Variants in MEAK7 observed in about 807,000 individuals in gnomAD.
MEAK7 encodes the protein MTOR-associated protein MEAK7.
A neutral mutation model predicts 40.5 loss-of-function variants in MEAK7; 68 were observed. The observed-to-expected ratio is 1.68, with a 90% CI of 1.38 to 2.06. MEAK7 has a LOEUF of 2.06. MEAK7 is among the 30% of genes most tolerant of loss of function. The pLI is 0.00. For synonymous variants in MEAK7, 338 were observed against 231.9 expected, an observed-to-expected ratio of 1.46 and a Z score of -4.16; for missense variants, 918 against 580.5, an observed-to-expected ratio of 1.58 and a Z score of -5.98.
At chr16:84,493,204 A>T (rs955203613) in intron 3 of MEAK7, among the ~76,000 whole-genome samples, 3 of 152,212 alleles carry the variant, frequency 2.0e-5, no homozygotes, top group Admixed American at 6.5e-5. Flanking sequence ...TATGCCAGAG[A>T]AGTACCCAAA....
In MEAK7 at chr16:84,477,451, A is replaced by C. The variant is rs1912159383; in HGVS notation, c.*2462T>G. On this transcript the variant is annotated 3_prime_UTR_variant, in exon 8 of 8. Transcript: ENST00000343629. Reference sequence around the variant, plus strand: ...GGTGATCCGCCTACCTCGGCCTCCCAAAGTGCTGGGATTACAGGCGTGAGC... The same window carrying C: ...GGTGATCCGCCTACCTCGGCCTCCCCAAGTGCTGGGATTACAGGCGTGAGC... 1 of 152,120 alleles carries C rather than the reference A, an allele frequency of 6.6e-6. No individual in the cohort carries two copies. 9.4% of individuals were successfully genotyped at this position (152,120 alleles called of 1,614,324 possible).
intron 5 of MEAK7, 130 bp from the exon 6 acceptor site, chr16:84,482,840 G>A (rs1369495228): frequency 4.5e-5 from 63 of 1,394,300 alleles, no homozygotes; most frequent in African/African-American, 1.0e-4. Flanking sequence ...TCCAGGTGTC[G>A]GCAGATCAGG....
Position 84,480,523 on chromosome 16 carries a change from AC to A in MEAK7, c.1257+5del. 6.2e-7 allele frequency: 1 copy of A among 1,603,208 alleles called. No individual in the cohort carries two copies. Among genetic ancestry groups the A allele is most frequent in the Non-Finnish European group, 8.5e-7 (1 of 1,175,190 alleles). ...ATCCTGGGATGCAGAGGACAGCTCCACTCACCAACTGCTCCTCTGAGGGGTC... is the reference window on the plus strand; with the variant it reads ...ATCCTGGGATGCAGAGGACAGCTCCATCACCAACTGCTCCTCTGAGGGGTC... On this transcript the variant is annotated splice_donor_5th_base_variant and intron_variant, in intron 7 of 7. Coordinates refer to ENST00000343629, the MANE Select transcript of MEAK7 (RefSeq NM_020947.4).
intron 3 of MEAK7, chr16:84,494,934 C>T (rs1597958013): frequency 4.9e-6 from 2 of 412,206 alleles, no homozygotes; most frequent in East Asian, 1.4e-4. Flanking sequence ...AACTGCCTTT[C>T]CCTTTGTTCC....
At position 84,482,687 on chromosome 16, in the gene MEAK7, A is replaced by C; in HGVS notation, c.982T>G (p.Ser328Ala). 1.2e-6 allele frequency: 2 copies of C among 1,614,204 alleles called. No individual in the cohort carries two copies. Among genetic ancestry groups the C allele is most frequent in the Non-Finnish European group, 1.7e-6 (2 of 1,180,024 alleles). The change falls in exon 6 of 8, where the codon TCC becomes GCC. Residue 328 changes from serine to alanine, a missense_variant. Physicochemically the swap from Ser to Ala is moderately conservative, Grantham distance 99 (BLOSUM62 1). Transcript: ENST00000343629. The stretch of plus-strand genomic sequence containing the variant: ...TACACAGCCATGCTGGGGCAGATGG[A>C]GAACAGGAAGCATCTGTTGTCCCCT... ...FQGDNRCFLF[S>A]ICPSMAVYTH...
At chr16:84,497,265 G>C in intron 2 of MEAK7, 1 of 481,700 alleles carries the variant, frequency 2.1e-6, no homozygotes, top group Non-Finnish European at 3.4e-6. Flanking sequence ...TCTTGCCTCA[G>C]TCCGAGCACT....
chr16:84,492,794 C>A lies in MEAK7; in HGVS notation c.384+2889G>T, dbSNP rs571996501. ...ACAGGGTTTCACCATGTTAGCGAGG[C>A]TGGTCTTGAACTCTTGACCTCAGAT... On this transcript the variant is annotated intron_variant, in intron 3 of 7. Coordinates refer to ENST00000343629, the MANE Select transcript of MEAK7 (RefSeq NM_020947.4). Among the ~76,000 whole-genome samples, 266 of 152,198 alleles carry A rather than the reference C, an allele frequency of 1.7e-3. 1 individual carries two copies. The highest frequency in any genetic ancestry group is 5.9e-3 in the African/African-American group (247 of 41,532).
intron 4 of MEAK7, among the ~76,000 whole-genome samples, chr16:84,489,032 T>C (rs1889352719): frequency 6.6e-6 from 1 of 152,182 alleles, no homozygotes; most frequent in South Asian, 2.1e-4. Flanking sequence ...ACCCTTTAGC[T>C]AGACTAAGAG....
At chr16:84,497,524 G>T (rs1367045563) in intron 2 of MEAK7, 2 of 1,290,738 alleles carry the variant, frequency 1.5e-6, no homozygotes, top group Middle Eastern at 2.1e-4. Context: ...TGGGAGGGCA[G>T]TCAGGAGGGA....
Position 84,484,258 on chromosome 16 carries a change from T to G in MEAK7, c.959-1548A>C, listed in dbSNP as rs191389419. Among the ~76,000 whole-genome samples, 3 of 152,242 alleles carry G rather than the reference T, an allele frequency of 2.0e-5. No individual in the cohort carries two copies. In the East Asian group the frequency reaches 5.8e-4, roughly 29 times the overall value. On this transcript the variant is annotated intron_variant, in intron 5 of 7. Transcript: ENST00000343629. ...GAATACAGGGCAAGGACCTGATGAG[T>G]TATGATTATCTGTGGAAAAAAGTGA...
intron 1 of MEAK7, among the ~76,000 whole-genome samples, chr16:84,500,835 C>A (rs1330134975): frequency 6.6e-6 from 1 of 152,140 alleles, no homozygotes; most frequent in African/African-American, 2.4e-5. Context: ...CCACCCTCTG[C>A]ATCAACTCGA....
At chr16:84,492,707 G>A (rs532645518) in intron 3 of MEAK7, among the ~76,000 whole-genome samples, 151 of 151,862 alleles carry the variant, frequency 9.9e-4, no homozygotes, top group Middle Eastern at 6.8e-3. Context: ...TTGGCCTCCC[G>A]AGTAGCTGGG....
In MEAK7 at chr16:84,482,625, C is replaced by G; in HGVS notation, c.1044G>C (p.Leu348Phe). 6.2e-7 allele frequency: 1 copy of G among 1,614,250 alleles called. No homozygotes were observed. Among genetic ancestry groups the G allele is most frequent in the Non-Finnish European group, 8.5e-7 (1 of 1,180,046 alleles). The change falls in exon 6 of 8, where the codon TTG becomes TTC. Residue 348 changes from leucine to phenylalanine, a missense_variant. Physicochemically the swap from Leu to Phe is conservative, Grantham distance 22 (BLOSUM62 0). Transcript: ENST00000343629. ...TCGGGATCGTCTGCTGTCCATGGTT[C>G]AAGTACATGTAGTGGTCGTTGTAGC... ...HTGYNDHYMYLNHGQQTIPNG... is the reference protein window; with the variant it reads ...HTGYNDHYMYFNHGQQTIPNG...
At chr16:84,484,334 G>A (rs963266328) in intron 5 of MEAK7, among the ~76,000 whole-genome samples, 8 of 152,146 alleles carry the variant, frequency 5.3e-5, no homozygotes, top group Non-Finnish European at 7.4e-5. Context: ...ATACCCAAGC[G>A]TGCGGCCACC....
rs879238353 is a variant in MEAK7, at chr16:84,482,606, T to C, written c.1063A>G (p.Ile355Val). Residue 355 changes from isoleucine (I) to valine (V), a missense_variant, in exon 6 of 8, where the codon ATC (isoleucine) becomes GTC (valine). By Grantham distance (29) the Ile-to-Val change is conservative. Transcript: ENST00000343629. ...YMYLNHGQQT[I>V]PNGLGMGGQH... ...CCCGGGCTCACCAGTCCGTTCGGGA[T>C]CGTCTGCTGTCCATGGTTCAAGTAC... is the stretch of plus-strand genomic sequence containing the variant. The C allele has an allele frequency of 6.2e-7, 1 of 1,614,214 alleles. No individual in the cohort carries two copies. Among genetic ancestry groups the C allele is most frequent in the South Asian group, 1.1e-5 (1 of 91,086 alleles).
intron 1 of MEAK7, among the ~76,000 whole-genome samples, chr16:84,502,218 T>C (rs1914560271): frequency 6.6e-6 from 1 of 151,508 alleles, no homozygotes; most frequent in African/African-American, 2.4e-5. Context: ...CCAGTGGAGC[T>C]CGACTGGAGC....
At chr16:84,503,677 G>C (rs1053297210) in intron 1 of MEAK7, among the ~76,000 whole-genome samples, 1 of 152,184 alleles carries the variant, frequency 6.6e-6, no homozygotes, top group Non-Finnish European at 1.5e-5. Flanking sequence ...AGACAACAGA[G>C]AATGGCTCCT....
At chr16:84,487,752 C>G (rs1273837108) in intron 4 of MEAK7, 1 of 152,286 alleles carries the variant, frequency 6.6e-6, no homozygotes, top group Non-Finnish European at 1.5e-5. Flanking sequence ...CGTGGGAGCA[C>G]ACACCTGGGA....
At chr16:84,491,628 G>A (rs1913620252) in intron 3 of MEAK7, among the ~76,000 whole-genome samples, 1 of 151,426 alleles carries the variant, frequency 6.6e-6, no homozygotes, top group African/African-American at 2.4e-5. Context: ...CACGAGGTCA[G>A]GAGATCAAGG....
Sources: gnomAD v4.1 joint callset for allele counts (sites outside exome capture counted in the v4.1 genomes callset) on GRCh38, gnomAD v4.1.1 for gene constraint, MANE v1.5 for transcripts, NCBI Gene and HGNC (gene_info 2026-07-23, HGNC 2026-07-21) for gene names.